The following DLC1 variants were observed in gnomAD, a reference collection of about 807,000 sequenced individuals.
DLC1 encodes the protein rho GTPase-activating protein 7.
Under a neutral mutation model 140.3 loss-of-function variants are expected in DLC1, and 54 were observed. The ratio of observed to expected loss-of-function variants is 0.38; its 90% CI spans 0.31 to 0.48. The LOEUF is 0.48. Ranked by LOEUF, DLC1 falls within the 20% of genes least tolerant of loss-of-function variation. The probability of loss-of-function intolerance (pLI) is 0.96; values close to 1 mark genes in which losing one functional copy is unlikely to be tolerated. For synonymous variants in DLC1, 986 were observed against 728.1 expected (o/e 1.35, Z -5.70); for missense variants, 2,536 against 1,907.0 (o/e 1.33, Z -6.14).
intron 4 of DLC1, among the ~76,000 whole-genome samples, chr8:13,335,916 A>G (rs1483215471): frequency 6.6e-6 from 1 of 152,100 alleles, no homozygotes; most frequent in Admixed American, 6.5e-5. Flanking sequence ...TTTTTTTGCA[A>G]GGAATAAGTT....
chr8:13,145,152 C>G (rs1307435958), intron 5 of DLC1, among the ~76,000 whole-genome samples: 1 of 151,802 alleles, frequency 6.6e-6, no homozygotes, highest in Non-Finnish European at 1.5e-5. Flanking sequence ...GAAAGTAGTA[C>G]CTATTTAAAC....
At chr8:13,209,221 A>G (rs1827819653) in intron 5 of DLC1, among the ~76,000 whole-genome samples, 1 of 152,140 alleles carries the variant, frequency 6.6e-6, no homozygotes, top group South Asian at 2.1e-4. Flanking sequence ...GTCTGTGACT[A>G]TCAACCTATG....
At chr8:13,572,921 A>G (rs1231349209) in intron 1 of DLC1, among the ~76,000 whole-genome samples, 1 of 152,080 alleles carries the variant, frequency 6.6e-6, no homozygotes, top group Non-Finnish European at 1.5e-5. Context: ...TGGAATCTCT[A>G]TCCTTTTTGT....
chr8:13,315,085 A>G (rs1389939287), intron 4 of DLC1, among the ~76,000 whole-genome samples: 1 of 152,172 alleles, frequency 6.6e-6, no homozygotes, highest in Non-Finnish European at 1.5e-5. Context: ...GTGATTGGGA[A>G]CTAAGGAAGA....
intron 2 of DLC1, among the ~76,000 whole-genome samples, chr8:13,436,790 TA>T (rs1416002744): frequency 2.0e-5 from 3 of 152,212 alleles, no homozygotes; most frequent in East Asian, 1.9e-4. Context: ...AGAATTTATT[TA>T]TTTTTTTTAA....
intron 3 of DLC1, among the ~76,000 whole-genome samples, chr8:13,395,119 A>G (rs988204203): frequency 8.1e-5 from 5 of 61,800 alleles, no homozygotes; most frequent in Non-Finnish European, 1.5e-4. Flanking sequence ...ATCTCTCTTT[A>G]TAATTCTTTT....
In DLC1 at chr8:13,090,584, G is replaced by C. The variant is rs1817973173; in HGVS notation, c.3856-114C>G. On this transcript the variant is annotated intron_variant, in intron 14 of 17. Transcript: ENST00000276297. The stretch of plus-strand genomic sequence containing the variant: ...TGGCCTGGTCCTTAAAGCAGTGCAG[G>C]CATCTTCCCGCCGGAGGTGGGCTAT... 3.3e-6 allele frequency: 4 copies of C among 1,211,570 alleles called. 1 individual carries two copies. The South Asian group carries it at 6.1e-5, about 18-fold the overall frequency. The allele number at this position is 1,211,570 out of a possible 1,614,324, so 75.1% of individuals were successfully genotyped here. A position where few individuals can be genotyped will look rare whatever the true frequency, so the allele number is the denominator to read the frequency against.
intron 4 of DLC1, chr8:13,340,789 C>T (rs1834005215): frequency 6.6e-6 from 1 of 152,200 alleles, no homozygotes; most frequent in Non-Finnish European, 1.5e-5. Context: ...CCTAATTCAT[C>T]CAACAAATTT....
intron 2 of DLC1, among the ~76,000 whole-genome samples, chr8:13,426,934 A>C (rs919034917): frequency 3.9e-5 from 6 of 152,028 alleles, no homozygotes; most frequent in Admixed American, 2.6e-4. Context: ...AGTTTTTGTT[A>C]ATGTTGTCAA....
intron 1 of DLC1, among the ~76,000 whole-genome samples, chr8:13,593,382 C>T (rs189672649): frequency 9.2e-5 from 14 of 152,232 alleles, no homozygotes; most frequent in African/African-American, 3.4e-4. Context: ...CAATTCTTTG[C>T]TCCCCAGAAG....
chr8:13,448,369 C>CTTCT (rs760341572), intron 2 of DLC1, among the ~76,000 whole-genome samples: 14,892 of 143,512 alleles, frequency 0.1, 894 homozygotes, highest in East Asian at 0.15. Context: ...TCTTCTTCTT[C>CTTCT]TTTTTTTTTT....
At chr8:13,292,160 T>C (rs192588912) in intron 5 of DLC1, among the ~76,000 whole-genome samples, 1 of 152,338 alleles carries the variant, frequency 6.6e-6, no homozygotes, top group African/African-American at 2.4e-5. Flanking sequence ...GGGAATGCTG[T>C]TGGAATGCCT....
intron 2 of DLC1, among the ~76,000 whole-genome samples, chr8:13,445,958 G>A (rs1798755046): frequency 6.6e-6 from 1 of 152,098 alleles, no homozygotes; most frequent in African/African-American, 2.4e-5. Context: ...CTAAGAAAGG[G>A]GCAAGGGAAT....
chr8:13,491,805 G>C (rs1418434228), intron 2 of DLC1, among the ~76,000 whole-genome samples: 2 of 152,164 alleles, frequency 1.3e-5, no homozygotes, highest in Non-Finnish European at 2.9e-5. Context: ...GTGGTTGTAT[G>C]ACTTAAGTTC....
chr8:13,188,079 AAT>A (rs1491169273), intron 5 of DLC1, among the ~76,000 whole-genome samples: 4 of 125,552 alleles, frequency 3.2e-5, no homozygotes, highest in South Asian at 2.9e-4. Flanking sequence ...CAACAGTGGC[AAT>A]TTTTTTTTTT....
intron 4 of DLC1, 72 bp downstream of exon 4, chr8:13,393,481 T>A: frequency 6.8e-7 from 1 of 1,466,182 alleles, no homozygotes; most frequent in South Asian, 1.3e-5. Flanking sequence ...CTATATCGAA[T>A]GAATATCAAC....
chr8:13,468,453 T>A (rs1800051674), intron 2 of DLC1, among the ~76,000 whole-genome samples: 1 of 148,676 alleles, frequency 6.7e-6, no homozygotes, highest in African/African-American at 2.5e-5. Flanking sequence ...GGATCATAGG[T>A]CACTGTGGCC....
chr8:13,251,903 G>C (rs1586007372), intron 5 of DLC1, among the ~76,000 whole-genome samples: 1 of 152,134 alleles, frequency 6.6e-6, no homozygotes, highest in Non-Finnish European at 1.5e-5. Context: ...GAATGAATTA[G>C]ATGAAAAATA....
intron 5 of DLC1, among the ~76,000 whole-genome samples, chr8:13,137,624 G>A (rs574377635): frequency 1.4e-3 from 202 of 139,622 alleles, no homozygotes; most frequent in Non-Finnish European, 2.4e-3. Flanking sequence ...TTTTTGAGAT[G>A]GAGTTTCACT....
Sources: gnomAD v4.1 joint callset for allele counts (sites outside exome capture counted in the v4.1 genomes callset) on GRCh38, gnomAD v4.1.1 for gene constraint, MANE v1.5 for transcripts, NCBI Gene and HGNC (gene_info 2026-07-23, HGNC 2026-07-21) for gene names.